NMNAT2: variants seen among roughly 807,000 people sequenced by gnomAD.
The protein encoded by NMNAT2 is nicotinamide/nicotinic acid mononucleotide adenylyltransferase 2.
NMNAT2 carries 11 observed loss-of-function variants against 41.6 expected under a neutral mutation model. The ratio of observed to expected loss-of-function variants is 0.26; its 90% CI spans 0.17 to 0.44. The LOEUF (loss-of-function observed/expected upper bound fraction) is 0.44. Among genes scored for constraint, NMNAT2 ranks in the 20% least tolerant of loss-of-function variants. NMNAT2 has a pLI of 1.00. For synonymous variants in NMNAT2, 148 were observed against 151.2 expected (o/e 0.98, Z 0.16); for missense variants, 288 against 407.7 (o/e 0.71, Z 2.53).
intron 1 of NMNAT2, among the ~76,000 whole-genome samples, chr1:183,344,188 T>C (rs183780257): frequency 6.6e-6 from 1 of 152,324 alleles, no homozygotes; most frequent in East Asian, 1.9e-4. Context: ...ATTGACAAAT[T>C]ATTATGTGTT....
chr1:183,270,575 C>T (rs1332351347), intron 8 of NMNAT2, among the ~76,000 whole-genome samples: 1 of 152,010 alleles, frequency 6.6e-6, no homozygotes, highest in African/African-American at 2.4e-5. Flanking sequence ...AGGGGCTTCC[C>T]AGATGAAATC....
intron 1 of NMNAT2, among the ~76,000 whole-genome samples, chr1:183,372,404 G>T (rs1431120212): frequency 6.6e-6 from 1 of 152,160 alleles, no homozygotes; most frequent in Non-Finnish European, 1.5e-5. Flanking sequence ...AGCAAAGCCA[G>T]AGAGTAGAGA....
intron 1 of NMNAT2, among the ~76,000 whole-genome samples, chr1:183,332,396 AAATTATAAG>A (rs1662603682): frequency 6.6e-6 from 1 of 152,206 alleles, no homozygotes; most frequent in Non-Finnish European, 1.5e-5. Context: ...CCTCAGAATT[AAATTATAAG>A]AGGCAGAATG....
chr1:183,344,803 A>G (rs1662890414), intron 1 of NMNAT2, among the ~76,000 whole-genome samples: 1 of 152,206 alleles, frequency 6.6e-6, no homozygotes, highest in Non-Finnish European at 1.5e-5. Flanking sequence ...TATTTTACAA[A>G]TGTGAGACCA....
At chr1:183,412,753 G>C (rs961296769) in intron 1 of NMNAT2, among the ~76,000 whole-genome samples, 16 of 152,168 alleles carry the variant, frequency 1.1e-4, no homozygotes, top group African/African-American at 2.7e-4. Context: ...TTAAGCATTA[G>C]TCCAAGGTTT....
intron 1 of NMNAT2, among the ~76,000 whole-genome samples, chr1:183,340,738 A>G (rs879620318): frequency 3.3e-5 from 5 of 152,118 alleles, no homozygotes; most frequent in Non-Finnish European, 7.3e-5. Context: ...TCCCAGGCCT[A>G]CCAAGCTGGG....
chr1:183,264,573 G>A (rs1660755456), intron 8 of NMNAT2, among the ~76,000 whole-genome samples: 1 of 152,282 alleles, frequency 6.6e-6, no homozygotes, highest in East Asian at 1.9e-4. Context: ...TGTAGCACCT[G>A]TTTGGAGAAT....
chr1:183,331,942 C>A (rs551023092), intron 1 of NMNAT2, among the ~76,000 whole-genome samples: 3 of 152,310 alleles, frequency 2.0e-5, no homozygotes, highest in Non-Finnish European at 4.4e-5. Flanking sequence ...CGCCACCACG[C>A]CCGGCTAATT....
intron 1 of NMNAT2, among the ~76,000 whole-genome samples, chr1:183,331,583 G>A (rs1662586411): frequency 6.6e-6 from 1 of 152,118 alleles, no homozygotes; most frequent in Non-Finnish European, 1.5e-5. Context: ...CCTTTCTGGG[G>A]GCTCCCTGCT....
chr1:183,412,075 G>A (rs1649132111), intron 1 of NMNAT2, among the ~76,000 whole-genome samples: 1 of 152,210 alleles, frequency 6.6e-6, no homozygotes. Flanking sequence ...GAGGTGGGGG[G>A]CAGAGTGGCT....
chr1:183,253,227 T>C (rs1397839210), intron 10 of NMNAT2, among the ~76,000 whole-genome samples: 2 of 148,246 alleles, frequency 1.3e-5, no homozygotes, highest in African/African-American at 4.9e-5. Context: ...CTATGTTATA[T>C]TACATATTTA....
In NMNAT2 at chr1:183,341,738, A is replaced by AAAAC. The variant is rs1557883703; in HGVS notation, c.86-47946_86-47945insGTTT. ...ACAAACAAACACCAAAAAAAAAAAA[A>AAAAC]AAAAAAAAACCTGTTTCCTTCACTC... On this transcript the variant is annotated intron_variant, in intron 1 of 10. Coordinates refer to ENST00000287713, the MANE Select transcript of NMNAT2 (RefSeq NM_015039.4). Among the ~76,000 whole-genome samples the AAAAC allele has an allele frequency of 3.4e-4, 48 of 142,070 alleles. 3 individuals carry two copies. Among genetic ancestry groups the AAAAC allele is most frequent in the African/African-American group, 1.2e-3 (46 of 39,114 alleles). 93.2% of individuals were successfully genotyped at this position (142,070 alleles called of 152,430 possible).
chr1:183,291,884 C>T (rs1661549509), intron 3 of NMNAT2, among the ~76,000 whole-genome samples: 1 of 152,198 alleles, frequency 6.6e-6, no homozygotes, highest in African/African-American at 2.4e-5. Context: ...CTATAAAGGG[C>T]ATGTGCTTCT....
intron 1 of NMNAT2, among the ~76,000 whole-genome samples, chr1:183,341,748 C>CAAAAAAAAAAAAAAAAAAAAAAAAAAAAA (rs369432128): frequency 2.5e-5 from 2 of 79,794 alleles, no homozygotes; most frequent in East Asian, 4.6e-4. Context: ...AAAAAAAAAA[C>CAAAAAAAAAAAAAAAAAAAAAAAAAAAAA]CTGTTTCCTT....
chr1:183,342,051 T>G (rs1326044294), intron 1 of NMNAT2, among the ~76,000 whole-genome samples: 1 of 151,434 alleles, frequency 6.6e-6, no homozygotes, highest in Non-Finnish European at 1.5e-5. Context: ...TACCAACCCT[T>G]TGGCATTGGG....
intron 1 of NMNAT2, among the ~76,000 whole-genome samples, chr1:183,306,666 C>T (rs894488223): frequency 6.6e-6 from 1 of 152,184 alleles, no homozygotes; most frequent in African/African-American, 2.4e-5. Flanking sequence ...GGACTTTTCT[C>T]TAAGAAACCT....
intron 1 of NMNAT2, among the ~76,000 whole-genome samples, chr1:183,327,657 G>A (rs542542760): frequency 6.6e-6 from 1 of 152,334 alleles, no homozygotes; most frequent in East Asian, 1.9e-4. Flanking sequence ...GAAGAGCAGG[G>A]ATGTTTATTC....
intron 5 of NMNAT2, among the ~76,000 whole-genome samples, chr1:183,286,435 C>T (rs528216390): frequency 1.3e-5 from 2 of 152,254 alleles, no homozygotes; most frequent in East Asian, 3.9e-4. Context: ...ACACCACCAC[C>T]TGCCTCTCTC....
chr1:183,331,666 C>G (rs559675486), intron 1 of NMNAT2, among the ~76,000 whole-genome samples: 1 of 152,246 alleles, frequency 6.6e-6, no homozygotes, highest in Admixed American at 6.5e-5. Context: ...GACAGCCTGG[C>G]GCCTGCACGC....
Sources: gnomAD v4.1 joint callset for allele counts (sites outside exome capture counted in the v4.1 genomes callset) on GRCh38, gnomAD v4.1.1 for gene constraint, MANE v1.5 for transcripts, NCBI Gene and HGNC (gene_info 2026-07-23, HGNC 2026-07-21) for gene names.